Variants in CYP4X1 observed in about 807,000 individuals in gnomAD.
The protein encoded by CYP4X1 is cytochrome P450 family 4 subfamily X member 1, also known as cytochrome P450 4X1.
A neutral mutation model predicts 57.9 loss-of-function variants in CYP4X1; 44 were observed. The ratio of observed to expected loss-of-function variants is 0.76; its 90% confidence interval spans 0.60 to 0.98. The LOEUF (loss-of-function observed/expected upper bound fraction) is 0.98. Ranked by LOEUF, CYP4X1 falls within the 50% of genes least tolerant of loss-of-function variation. CYP4X1 has a pLI of 0.00. For synonymous variants in CYP4X1, 227 were observed against 228.6 expected, an observed-to-expected ratio of 0.99 and a Z score of 0.06; for missense variants, 532 against 623.9, an observed-to-expected ratio of 0.85 and a Z score of 1.57.
chr1:46,984,679 G>T, the CYP4X1 span, among the ~76,000 whole-genome samples: 2 of 152,184 alleles, frequency 1.3e-5, no homozygotes, highest in Non-Finnish European at 2.9e-5. Context: ...TTCCAGCCCA[G>T]ATACTACGCT....
At chr1:46,990,768 G>C in the CYP4X1 span, among the ~76,000 whole-genome samples, 1 of 152,192 alleles carries the variant, frequency 6.6e-6, no homozygotes, top group Non-Finnish European at 1.5e-5. Flanking sequence ...GATGAAGCTG[G>C]AAACCATCTT....
the CYP4X1 span, among the ~76,000 whole-genome samples, chr1:47,006,679 T>C: frequency 1.3e-5 from 2 of 152,106 alleles, no homozygotes; most frequent in Non-Finnish European, 2.9e-5. Flanking sequence ...TTCCCTTTCA[T>C]AGTCAAAGAA....
chr1:46,963,864 G>A, the CYP4X1 span, among the ~76,000 whole-genome samples: 4 of 152,228 alleles, frequency 2.6e-5, no homozygotes, highest in South Asian at 2.1e-4. Flanking sequence ...CATTCTCCCC[G>A]TCACTTTCAG....
At chr1:46,965,608 C>A in the CYP4X1 span, among the ~76,000 whole-genome samples, 1 of 152,212 alleles carries the variant, frequency 6.6e-6, no homozygotes, top group Non-Finnish European at 1.5e-5. Context: ...TCTGTCCCAG[C>A]GGGGTACTGA....
At chr1:47,035,167 A>G (rs763870708) in intron 4 of CYP4X1, among the ~76,000 whole-genome samples, 1 of 151,874 alleles carries the variant, frequency 6.6e-6, no homozygotes, top group East Asian at 2.0e-4. Flanking sequence ...TACACAAAGT[A>G]TGCTTATTAT....
intron 8 of CYP4X1, among the ~76,000 whole-genome samples, chr1:47,042,447 G>GT (rs998386364): frequency 2.6e-5 from 4 of 151,874 alleles, no homozygotes; most frequent in East Asian, 1.9e-4. Context: ...TTTCACCAGT[G>GT]TTTTTTTCTT....
the CYP4X1 span, among the ~76,000 whole-genome samples, chr1:46,974,070 T>C: frequency 6.6e-6 from 1 of 152,108 alleles, no homozygotes; most frequent in South Asian, 2.1e-4. Context: ...CATAAACTTT[T>C]CTCTCAACAG....
chr1:47,040,217 A>G (rs1192422849), intron 8 of CYP4X1, among the ~76,000 whole-genome samples: 1 of 152,138 alleles, frequency 6.6e-6, no homozygotes, highest in Non-Finnish European at 1.5e-5. Context: ...GAAGACAGGT[A>G]CCTACCCTGG....
At chr1:46,983,687 C>G in the CYP4X1 span, among the ~76,000 whole-genome samples, 1 of 152,120 alleles carries the variant, frequency 6.6e-6, no homozygotes, top group South Asian at 2.1e-4. Flanking sequence ...TCTCAAGGCC[C>G]GTGATAGTCC....
chr1:46,961,689 C>T, the CYP4X1 span: 1 of 1,293,132 alleles, frequency 7.7e-7, no homozygotes, highest in Non-Finnish European at 1.0e-6. Context: ...CTCTATTTGA[C>T]CCAACCAACT....
At chr1:46,980,410 C>A in the CYP4X1 span, among the ~76,000 whole-genome samples, 3 of 152,094 alleles carry the variant, frequency 2.0e-5, no homozygotes, top group Admixed American at 1.3e-4. Flanking sequence ...CCTAGGAATC[C>A]AACTTACAAG....
At chr1:46,967,783 G>C in the CYP4X1 span, 1 of 1,356,700 alleles carries the variant, frequency 7.4e-7, no homozygotes, top group Non-Finnish European at 9.7e-7. Flanking sequence ...GATCCTGGTG[G>C]GATCAGGCAG....
chr1:46,964,686 AG>A, the CYP4X1 span, among the ~76,000 whole-genome samples: 1 of 152,216 alleles, frequency 6.6e-6, no homozygotes, highest in African/African-American at 2.4e-5. Context: ...CTTGGGGGTC[AG>A]GGACCCACTT....
intron 8 of CYP4X1, among the ~76,000 whole-genome samples, chr1:47,043,502 G>A (rs531017330): frequency 2.2e-4 from 34 of 151,724 alleles, no homozygotes; most frequent in Non-Finnish European, 4.7e-4. Flanking sequence ...TGTTTTTTGG[G>A]GTTGTTTTGT....
At chr1:47,025,170 C>G (rs752142360) in intron 1 of CYP4X1, among the ~76,000 whole-genome samples, 2 of 152,136 alleles carry the variant, frequency 1.3e-5, no homozygotes, top group Non-Finnish European at 2.9e-5. Flanking sequence ...TTCTCACTCT[C>G]TTAGTCCCTC....
At position 47,046,541 on chromosome 1, in the gene CYP4X1, C is replaced by A; in HGVS notation, c.1148C>A (p.Ser383Tyr). 4.3e-6 allele frequency: 7 copies of A among 1,614,142 alleles called. No homozygotes were observed. Among genetic ancestry groups the A allele is most frequent in the Non-Finnish European group, 5.9e-6 (7 of 1,180,036 alleles). The change falls in exon 9 of 12, where the codon TCC becomes TAC. Residue 383 changes from serine to tyrosine, a missense_variant. Transcript: ENST00000371901. ...ETCRLIPAVP[S>Y]ISRDLSKPLT... ...TGCCGATTGATTCCTGCAGTCCCGT[C>A]CATTTCCAGAGATCTCAGCAAGCCA...
the CYP4X1 span, among the ~76,000 whole-genome samples, chr1:46,986,641 C>T: frequency 3.9e-5 from 6 of 152,128 alleles, no homozygotes; most frequent in South Asian, 2.1e-4. Context: ...AGAGAAAGGT[C>T]GGGTTACCCA....
the CYP4X1 span, among the ~76,000 whole-genome samples, chr1:46,977,395 T>C: frequency 2.0e-5 from 3 of 151,922 alleles, no homozygotes; most frequent in Non-Finnish European, 4.4e-5. Flanking sequence ...GATCAAATTA[T>C]TGAAATGAAG....
At chr1:47,025,845 C>A (rs898841180) in intron 1 of CYP4X1, among the ~76,000 whole-genome samples, 4 of 152,132 alleles carry the variant, frequency 2.6e-5, no homozygotes, top group Non-Finnish European at 5.9e-5. Context: ...GTTCTTTAAG[C>A]TTGGTATGCA....
Sources: gnomAD v4.1 joint callset for allele counts (sites outside exome capture counted in the v4.1 genomes callset) on GRCh38, gnomAD v4.1.1 for gene constraint, MANE v1.5 for transcripts, NCBI Gene and HGNC (gene_info 2026-07-23, HGNC 2026-07-21) for gene names.